Variants in GRK3 observed in about 807,000 individuals in gnomAD.
GRK3 encodes adrenergic, beta, receptor kinase 2.
GRK3 carries 54 observed loss-of-function variants against 95.7 expected under a neutral mutation model. The ratio of observed to expected loss-of-function variants is 0.56; its 90% CI spans 0.45 to 0.71. The LOEUF is 0.71. Among genes scored for constraint, GRK3 ranks in the 30% least tolerant of loss-of-function variants. The probability of loss-of-function intolerance (pLI) is 0.00; values close to 1 mark genes in which losing one functional copy is unlikely to be tolerated. For missense variants in GRK3, 649 were observed against 851.2 expected, an observed-to-expected ratio of 0.76 and a Z score of 2.96; for synonymous variants, 281 against 290.8, an observed-to-expected ratio of 0.97 and a Z score of 0.34.
intron 1 of GRK3, among the ~76,000 whole-genome samples, chr22:25,578,319 G>T (rs1931979924): frequency 6.6e-6 from 1 of 152,110 alleles, no homozygotes; most frequent in Admixed American, 6.5e-5. Context: ...CAAGAAATGT[G>T]GTGGGCACCT....
At chr22:25,712,563 A>G (rs2085352446) in intron 17 of GRK3, among the ~76,000 whole-genome samples, 1 of 152,280 alleles carries the variant, frequency 6.6e-6, no homozygotes, top group Non-Finnish European at 1.5e-5. Context: ...AGAGATGATC[A>G]TACTTAAAAA....
At position 25,620,006 on chromosome 22, in the gene GRK3, T is replaced by TGTG. The variant is rs1555918885; in HGVS notation, c.190+15553_190+15554insGTG. On this transcript the variant is annotated intron_variant, in intron 2 of 20. Transcript: ENST00000324198. ...TTACTCTTCCTTTCCTTTGTCTTTTTTGTGTGTGTGTGTGTGTGTGTGTGT... is the reference window on the plus strand; with the variant it reads ...TTACTCTTCCTTTCCTTTGTCTTTTTGTGTGTGTGTGTGTGTGTGTGTGTGTGT... 2.5e-3 allele frequency among the ~76,000 whole-genome samples: 228 copies of TGTG among 90,300 alleles called. 2 individuals are homozygous for TGTG. The highest frequency in any genetic ancestry group is 0.011 in the South Asian group (30 of 2,628). The allele number at this position is 90,300 out of a possible 152,430, so 59.2% of individuals were successfully genotyped here. A position where few individuals can be genotyped will look rare whatever the true frequency, so the allele number is the denominator to read the frequency against.
At chr22:25,576,868 G>T (rs1250527909) in intron 1 of GRK3, among the ~76,000 whole-genome samples, 2 of 152,172 alleles carry the variant, frequency 1.3e-5, no homozygotes, top group African/African-American at 4.8e-5. Context: ...GGGGTCTGAG[G>T]AAGTGCTCCA....
intron 1 of GRK3, among the ~76,000 whole-genome samples, chr22:25,594,201 C>A (rs188754543): frequency 1.1e-3 from 174 of 152,196 alleles, no homozygotes; most frequent in African/African-American, 4.0e-3. Context: ...GCAGCATGGC[C>A]ATTTTTACAA....
In GRK3 at chr22:25,668,454, C is replaced by T. The variant is rs533672596; in HGVS notation, c.503+654C>T. ...CTCATGCTAGAGCTTTCTGCAGCTG[C>T]TCAGTAATTGCACTTTAAGAACAAA... On this transcript the variant is annotated intron_variant, in intron 6 of 20. Transcript: ENST00000324198. 2.6e-5 allele frequency among the ~76,000 whole-genome samples: 4 copies of T among 152,316 alleles called. No individual in the cohort carries two copies. The South Asian group carries it at 6.2e-4, about 24-fold the overall frequency.
chr22:25,582,178 G>A (rs1303311597), intron 1 of GRK3, among the ~76,000 whole-genome samples: 2 of 152,026 alleles, frequency 1.3e-5, no homozygotes, highest in African/African-American at 4.8e-5. Flanking sequence ...TCAGGAGGCT[G>A]AGGCAGGAGA....
At chr22:25,703,649 T>A (rs1272915166) in intron 14 of GRK3, 73 bp downstream of exon 14, 10 of 1,133,404 alleles carry the variant, frequency 8.8e-6, no homozygotes, top group Non-Finnish European at 1.3e-5. Context: ...AATAAAAAAA[T>A]GCTATTACAT....
intron 1 of GRK3, among the ~76,000 whole-genome samples, chr22:25,565,413 G>T (rs1931433903): frequency 6.6e-6 from 1 of 152,228 alleles, no homozygotes. Flanking sequence ...CCCAGCCAGG[G>T]TCTGGTTATG....
At chr22:25,689,227 G>C (rs2085145939) in intron 11 of GRK3, among the ~76,000 whole-genome samples, 1 of 152,078 alleles carries the variant, frequency 6.6e-6, no homozygotes, top group African/African-American at 2.4e-5. Flanking sequence ...GTTGGCCCTT[G>C]ACATTTTATT....
chr22:25,679,114 G>GT (rs2085055250), intron 9 of GRK3, among the ~76,000 whole-genome samples, 199 bp downstream of exon 9: 1 of 152,148 alleles, frequency 6.6e-6, no homozygotes, highest in Admixed American at 6.5e-5. Context: ...TGGCTTCTCC[G>GT]TTTAGTGCCT....
In GRK3 at chr22:25,714,588, T is replaced by A; in HGVS notation, c.1654+18T>A. 6.4e-7 allele frequency: 1 copy of A among 1,566,520 alleles called. No homozygotes were observed. Among genetic ancestry groups the A allele is most frequent in the Non-Finnish European group, 8.6e-7 (1 of 1,159,726 alleles). On this transcript the variant is annotated intron_variant, in intron 18 of 20. Transcript: ENST00000324198. ...CGAAGAAGGTAAAATAGCTCACGTG[T>A]CTCAAAACATTTCTAATGCAGTAAA...
At chr22:25,660,667 C>A (rs569080994) in intron 3 of GRK3, among the ~76,000 whole-genome samples, 30 of 152,198 alleles carry the variant, frequency 2.0e-4, no homozygotes, top group African/African-American at 6.5e-4. Context: ...TAAAAGGTAA[C>A]CTTTATTTCT....
At position 25,725,774 on chromosome 22, in the gene GRK3, G is replaced by A. The variant is rs1001204755; in HGVS notation, c.*3324G>A. 7.6e-5 allele frequency: 30 copies of A among 393,290 alleles called. 1 individual carries two copies. The highest frequency in any genetic ancestry group is 1.0e-4 in the Non-Finnish European group (23 of 223,254). 24.4% of individuals were successfully genotyped at this position (393,290 alleles called of 1,614,324 possible). On this transcript the variant is annotated 3_prime_UTR_variant, in exon 21 of 21. Coordinates refer to ENST00000324198, the MANE Select transcript of GRK3 (RefSeq NM_005160.4). Reference sequence around the variant, plus strand: ...ATCCTGGTTAGCAGAGTGAAACCCCGTCTCTACTAAAAATACAAATAAAAA... The same window carrying A: ...ATCCTGGTTAGCAGAGTGAAACCCCATCTCTACTAAAAATACAAATAAAAA...
At chr22:25,658,256 C>G (rs547233394) in intron 3 of GRK3, among the ~76,000 whole-genome samples, 1 of 152,282 alleles carries the variant, frequency 6.6e-6, no homozygotes, top group East Asian at 1.9e-4. Context: ...TAGCTTGTAT[C>G]TTGAACATGT....
At chr22:25,670,826 G>A (rs971818049) in intron 6 of GRK3, among the ~76,000 whole-genome samples, 1 of 150,994 alleles carries the variant, frequency 6.6e-6, no homozygotes, top group African/African-American at 2.4e-5. Flanking sequence ...GGCCGAGGCG[G>A]GCGGATCGAG....
At chr22:25,722,174 G>T (rs1005440752) in intron 20 of GRK3, 115 bp from the exon 21 acceptor site, 3 of 1,173,274 alleles carry the variant, frequency 2.6e-6, no homozygotes, top group Admixed American at 3.8e-5. Flanking sequence ...GGGTGGACAC[G>T]TAGGGTGTGC....
chr22:25,653,977 G>A (rs2084852752), intron 3 of GRK3, among the ~76,000 whole-genome samples: 1 of 152,120 alleles, frequency 6.6e-6, no homozygotes, highest in Non-Finnish European at 1.5e-5. Context: ...GTGAGCCACC[G>A]GCGCCCAGCC....
At chr22:25,586,455 T>C (rs1264245741) in intron 1 of GRK3, among the ~76,000 whole-genome samples, 4 of 152,304 alleles carry the variant, frequency 2.6e-5, no homozygotes, top group African/African-American at 9.6e-5. Flanking sequence ...TGCATGTCTA[T>C]ATCAAAACAT....
At chr22:25,635,609 A>G (rs1368442246) in intron 2 of GRK3, among the ~76,000 whole-genome samples, 2 of 152,172 alleles carry the variant, frequency 1.3e-5, no homozygotes, top group Non-Finnish European at 2.9e-5. Context: ...TAACATTTGT[A>G]AAGACACTTT....
Sources: gnomAD v4.1 joint callset for allele counts (sites outside exome capture counted in the v4.1 genomes callset) on GRCh38, gnomAD v4.1.1 for gene constraint, MANE v1.5 for transcripts, NCBI Gene and HGNC (gene_info 2026-07-23, HGNC 2026-07-21) for gene names.